Variants in TANC2 observed in about 807,000 individuals in gnomAD.
TANC2 encodes the protein tetratricopeptide repeat, ankyrin repeat and coiled-coil containing 2, also known as protein TANC2.
In TANC2, 26 loss-of-function variants were observed where a neutral mutation model predicts 210.5. That is an observed-to-expected ratio of 0.12 (90% CI 0.09 to 0.17). The LOEUF is 0.17. Among genes scored for constraint, TANC2 ranks in the 10% least tolerant of loss-of-function variants. The pLI, the probability that TANC2 is intolerant of heterozygous loss-of-function variation, is 1.00. For synonymous variants in TANC2, 931 were observed against 967.1 expected, an observed-to-expected ratio of 0.96 and a Z score of 0.69; for missense variants, 2,129 against 2,608.9, an observed-to-expected ratio of 0.82 and a Z score of 4.01.
intron 4 of TANC2, among the ~76,000 whole-genome samples, chr17:63,145,253 G>T (rs1156931558): frequency 6.6e-6 from 1 of 151,978 alleles, no homozygotes; most frequent in Non-Finnish European, 1.5e-5. Flanking sequence ...ACCTAACAGA[G>T]ATCCAGGGTT....
chr17:63,338,793 A>G (rs1192655856), intron 11 of TANC2: 2 of 152,362 alleles, frequency 1.3e-5, no homozygotes, highest in East Asian at 1.9e-4. Context: ...TTGTATATGT[A>G]GTAACATTTC....
At chr17:63,039,981 G>GTTTTTTTTTTTTTTTTTTTTTTTTTTTTT (rs2035121605) in intron 2 of TANC2, among the ~76,000 whole-genome samples, 1 of 152,112 alleles carries the variant, frequency 6.6e-6, no homozygotes, top group Non-Finnish European at 1.5e-5. Context: ...AGCACTTTTA[G>GTTTTTTTTTTTTTTTTTTTTTTTTTTTTT]TTTTTATATT....
At chr17:63,352,403 G>A (rs561509566) in intron 13 of TANC2, among the ~76,000 whole-genome samples, 14 of 152,182 alleles carry the variant, frequency 9.2e-5, no homozygotes, top group African/African-American at 3.4e-4. Flanking sequence ...CCTTACAGAT[G>A]TTTATTATTA....
chr17:63,233,806 G>A (rs1004911388), intron 7 of TANC2, among the ~76,000 whole-genome samples: 1 of 152,160 alleles, frequency 6.6e-6, no homozygotes, highest in African/African-American at 2.4e-5. Flanking sequence ...CTGTGCCCTT[G>A]TGAATGTTTT....
At chr17:63,217,705 A>C (rs1349423906) in intron 7 of TANC2, among the ~76,000 whole-genome samples, 1 of 152,240 alleles carries the variant, frequency 6.6e-6, no homozygotes, top group African/African-American at 2.4e-5. Context: ...CAGGAAGTTA[A>C]AGAGGAACAA....
intron 9 of TANC2, among the ~76,000 whole-genome samples, chr17:63,302,509 C>T (rs971747928): frequency 6.6e-6 from 1 of 151,152 alleles, no homozygotes; most frequent in African/African-American, 2.4e-5. Flanking sequence ...TTGAACTGAT[C>T]CCTTTACCAT....
chr17:62,988,019 A>G (rs2032661119), intron 1 of TANC2, among the ~76,000 whole-genome samples: 1 of 152,114 alleles, frequency 6.6e-6, no homozygotes, highest in Non-Finnish European at 1.5e-5. Context: ...GATCTTTTTG[A>G]TTTACCTATG....
At chr17:63,200,346 A>G (rs2145793713) in intron 6 of TANC2, among the ~76,000 whole-genome samples, 1 of 127,106 alleles carries the variant, frequency 7.9e-6, no homozygotes, top group African/African-American at 3.2e-5. Context: ...CAAGAATGAA[A>G]CTCTGTCTCA....
At chr17:63,020,553 C>T (rs76889662) in intron 2 of TANC2, among the ~76,000 whole-genome samples, 4,488 of 152,100 alleles carry the variant, frequency 0.03, 84 homozygotes, top group South Asian at 0.037. Flanking sequence ...TGTTTAATTT[C>T]TGTCAACAAA....
Position 63,351,243 on chromosome 17 carries a change from A to G in TANC2, c.1808-7A>G, listed in dbSNP as rs1374586219. 8 of 1,599,770 alleles carry G rather than the reference A, an allele frequency of 5.0e-6. No individual in the cohort carries two copies. The highest frequency in any genetic ancestry group is 1.4e-5 in the African/African-American group (1 of 74,004). On this transcript the variant is annotated splice_region_variant and splice_polypyrimidine_tract_variant and intron_variant, in intron 12 of 27. Coordinates refer to ENST00000689528, the Ensembl canonical transcript of TANC2. The stretch of plus-strand genomic sequence containing the variant: ...ATTATTAAGTAATGTGTTTCTTTCT[A>G]TCTCAGAGAGAAAAATCCCAGATGA...
intron 11 of TANC2, among the ~76,000 whole-genome samples, chr17:63,322,131 C>T (rs778967514): frequency 6.6e-5 from 10 of 152,248 alleles, no homozygotes; most frequent in South Asian, 4.2e-4. Flanking sequence ...CTGAGATTTC[C>T]GTCAATTCAT....
In TANC2 at chr17:63,141,568, G is replaced by GA. The variant is rs879331650; in HGVS notation, c.323-9690dup. 9.5e-3 allele frequency among the ~76,000 whole-genome samples: 1,335 copies of GA among 140,308 alleles called. 13 individuals carry two copies. Among genetic ancestry groups the GA allele is most frequent in the African/African-American group, 0.029 (1,128 of 38,522 alleles). The allele number at this position is 140,308 out of a possible 152,430, so 92.0% of individuals were successfully genotyped here. A position where few individuals can be genotyped will look rare whatever the true frequency, so the allele number is the denominator to read the frequency against. The stretch of plus-strand genomic sequence containing the variant: ...GTGACAGAGCGAGACTCTGTCTCAA[G>GA]AAAAAAAAAAAAGTATTTTTATTTG... On this transcript the variant is annotated intron_variant, in intron 4 of 27. Coordinates refer to ENST00000689528, the Ensembl canonical transcript of TANC2.
At chr17:62,971,248 C>T (rs2031676937) in intron 1 of TANC2, among the ~76,000 whole-genome samples, 3 of 152,162 alleles carry the variant, frequency 2.0e-5, no homozygotes, top group Middle Eastern at 3.4e-3. Context: ...GAAAAGGCCA[C>T]GGAGAGAAAT....
At chr17:63,389,526 G>T in exon 17 of TANC2, 1 of 1,609,416 alleles carries the variant, frequency 6.2e-7, no homozygotes, top group Non-Finnish European at 8.5e-7. Flanking sequence ...TGGTGCTGCT[G>T]TGCAAGAAAC....
At chr17:63,118,758 T>C (rs570732788) in intron 4 of TANC2, among the ~76,000 whole-genome samples, 93 of 150,788 alleles carry the variant, frequency 6.2e-4, no homozygotes, top group Admixed American at 2.2e-3. Flanking sequence ...TACAGGCATG[T>C]GCCACCATAT....
intron 2 of TANC2, among the ~76,000 whole-genome samples, chr17:63,058,734 A>G (rs2035893710): frequency 6.6e-6 from 1 of 151,958 alleles, no homozygotes; most frequent in African/African-American, 2.4e-5. Flanking sequence ...ATGGTTGTAG[A>G]TGTGTGGCCT....
chr17:63,026,070 G>C (rs2034542563), intron 2 of TANC2, among the ~76,000 whole-genome samples: 1 of 151,630 alleles, frequency 6.6e-6, no homozygotes, highest in African/African-American at 2.4e-5. Context: ...TTACTTCATT[G>C]ATATTTCTAA....
chr17:63,188,533 C>T (rs916363559), intron 5 of TANC2, among the ~76,000 whole-genome samples: 1 of 146,470 alleles, frequency 6.8e-6, no homozygotes, highest in African/African-American at 2.6e-5. Flanking sequence ...GCGGAGGTTG[C>T]AGTGAGCTGA....
chr17:63,273,701 T>C (rs2043788937), intron 9 of TANC2, among the ~76,000 whole-genome samples: 1 of 152,232 alleles, frequency 6.6e-6, no homozygotes, highest in African/African-American at 2.4e-5. Context: ...CAAATCCAAC[T>C]ACTTTTCACC....
Sources: allele counts gnomAD v4.1 joint callset (sites outside exome capture counted in the v4.1 genomes callset), GRCh38; gene constraint gnomAD v4.1.1; transcripts MANE v1.5; gene names NCBI Gene and HGNC (gene_info 2026-07-23, HGNC 2026-07-21).